Variants in FAM178B observed in about 807,000 individuals in gnomAD.
FAM178B encodes the protein protein FAM178B.
A neutral mutation model predicts 91.7 loss-of-function variants in FAM178B; 82 were observed. That is an observed-to-expected ratio of 0.89 (90% confidence interval 0.75 to 1.07). The LOEUF (loss-of-function observed/expected upper bound fraction) is 1.07, where lower values mean the gene tolerates loss of function less well. FAM178B is among the 50% of genes least tolerant of loss of function. The pLI, the probability that FAM178B is intolerant of heterozygous loss-of-function variation, is 0.00. For synonymous variants in FAM178B, 368 were observed against 359.4 expected (o/e 1.02, Z -0.27); for missense variants, 769 against 846.7 (o/e 0.91, Z 1.14).
intron 14 of FAM178B, among the ~76,000 whole-genome samples, chr2:96,890,949 G>A (rs941080676): frequency 3.3e-5 from 5 of 152,200 alleles, no homozygotes; most frequent in Non-Finnish European, 7.3e-5. Context: ...CATGCACAGG[G>A]CCATAGATAA....
At chr2:96,902,304 C>T (rs1051775651) in intron 13 of FAM178B, among the ~76,000 whole-genome samples, 6 of 152,102 alleles carry the variant, frequency 3.9e-5, no homozygotes, top group African/African-American at 1.2e-4. Flanking sequence ...ACGGGTTTCA[C>T]CGTGTTAGCC....
At chr2:96,948,510 CAG>C (rs2081868867) in intron 7 of FAM178B, among the ~76,000 whole-genome samples, 1 of 152,204 alleles carries the variant, frequency 6.6e-6, no homozygotes, top group Non-Finnish European at 1.5e-5. Flanking sequence ...TGGAAACATG[CAG>C]AGAGGCTGAC....
chr2:96,983,896 C>T (rs1043283709), intron 1 of FAM178B, among the ~76,000 whole-genome samples: 1 of 152,222 alleles, frequency 6.6e-6, no homozygotes, highest in African/African-American at 2.4e-5. Context: ...ATATGAATAA[C>T]TACTACTTAT....
intron 12 of FAM178B, among the ~76,000 whole-genome samples, chr2:96,913,093 CAAG>C (rs1377653696): frequency 3.3e-5 from 5 of 152,124 alleles, no homozygotes; most frequent in African/African-American, 9.7e-5. Flanking sequence ...GCAAACGGTA[CAAG>C]AATAAGGGAT....
At chr2:96,878,560 C>G (rs2080303960) in intron 14 of FAM178B, 67 bp from the exon 15 acceptor site, 1 of 1,407,284 alleles carries the variant, frequency 7.1e-7, no homozygotes, top group Non-Finnish European at 1.0e-6. Flanking sequence ...GTGCCCTCCA[C>G]CTGCACACTC....
At chr2:96,927,781 C>G (rs1458781894) in intron 9 of FAM178B, among the ~76,000 whole-genome samples, 1 of 152,178 alleles carries the variant, frequency 6.6e-6, no homozygotes, top group Non-Finnish European at 1.5e-5. Context: ...GGCTATGTCT[C>G]CAGTGCCGCC....
intron 12 of FAM178B, among the ~76,000 whole-genome samples, chr2:96,916,792 A>G (rs1050238232): frequency 2.6e-5 from 4 of 152,178 alleles, no homozygotes; most frequent in African/African-American, 9.7e-5. Context: ...GTACTGCATG[A>G]GTGTCAGCAG....
chr2:96,984,329 C>T (rs560216518), intron 1 of FAM178B, among the ~76,000 whole-genome samples: 5 of 152,326 alleles, frequency 3.3e-5, no homozygotes, highest in South Asian at 2.1e-4. Context: ...ATACAGTTCC[C>T]GCTCAACAAA....
chr2:96,903,578 G>A (rs1269120330), intron 12 of FAM178B, among the ~76,000 whole-genome samples: 1 of 152,256 alleles, frequency 6.6e-6, no homozygotes, highest in Non-Finnish European at 1.5e-5. Flanking sequence ...GCAAAGTGCA[G>A]GCATGCAGGC....
At position 96,876,105 on chromosome 2, in the gene FAM178B, G is replaced by T; in HGVS notation, c.*171C>A. ...GGGGTCGGGGCGGTGGCAGAGGCAGGCTCTTGCAGAGAGGAGAGGGGTCGG... is the reference window on the plus strand; with the variant it reads ...GGGGTCGGGGCGGTGGCAGAGGCAGTCTCTTGCAGAGAGGAGAGGGGTCGG... On this transcript the variant is annotated 3_prime_UTR_variant, in exon 17 of 17. Transcript: ENST00000490605. 1.5e-6 allele frequency: 1 copy of T among 645,786 alleles called. No individual in the cohort carries two copies. The highest frequency in any genetic ancestry group is 1.9e-5 in the South Asian group (1 of 51,438). The allele number at this position is 645,786 out of a possible 1,614,324, so 40.0% of individuals were successfully genotyped here.
At position 96,977,194 on chromosome 2, in the gene FAM178B, C is replaced by CAA. The variant is rs70964891; in HGVS notation, c.74-4590_74-4589dup. On this transcript the variant is annotated intron_variant, in intron 1 of 16. Transcript: ENST00000490605. ...TGGGTGACAGAGCAAGACTCTGTCT[C>CAA]AAAAAAAAAAAAAAAAAAAAAAAGT... Among the ~76,000 whole-genome samples the CAA allele has an allele frequency of 2.3e-3, 88 of 38,470 alleles. 1 individual carries two copies. The highest frequency in any genetic ancestry group is 6.6e-3 in the African/African-American group (57 of 8,672). The allele number at this position is 38,470 out of a possible 152,430, so 25.2% of individuals were successfully genotyped here. A position where few individuals can be genotyped will look rare whatever the true frequency, so the allele number is the denominator to read the frequency against.
At chr2:96,886,664 A>T (rs572578076) in intron 14 of FAM178B, among the ~76,000 whole-genome samples, 2 of 152,358 alleles carry the variant, frequency 1.3e-5, no homozygotes, top group South Asian at 2.1e-4. Context: ...CCTGGCAAAG[A>T]CAGGGAAGAA....
intron 4 of FAM178B, among the ~76,000 whole-genome samples, 178 bp from the exon 5 acceptor site, chr2:96,967,805 A>G (rs569591051): frequency 2.6e-5 from 4 of 151,726 alleles, no homozygotes; most frequent in Admixed American, 2.0e-4. Flanking sequence ...GGGTTGCATT[A>G]CATAGACTGT....
rs2082197469 is a variant in FAM178B at position 96,970,126 on chromosome 2, C to T, written c.626+590G>A. On this transcript the variant is annotated intron_variant, in intron 4 of 16. Coordinates refer to ENST00000490605, the MANE Select transcript of FAM178B (RefSeq NM_001122646.3). Reference sequence around the variant, plus strand: ...GACGACCCCTGTCTGTCCCCAGCCACCTGCACCTCCCTAGGGATTTCCAAT... The same window carrying T: ...GACGACCCCTGTCTGTCCCCAGCCATCTGCACCTCCCTAGGGATTTCCAAT... Among the ~76,000 whole-genome samples the T allele has an allele frequency of 2.6e-5, 4 of 152,204 alleles. No homozygotes were observed. In the South Asian group the frequency reaches 8.3e-4, roughly 31 times the overall value.
chr2:96,958,682 T>C (rs2082035975), intron 6 of FAM178B, among the ~76,000 whole-genome samples: 1 of 97,252 alleles, frequency 1.0e-5, no homozygotes, highest in African/African-American at 4.0e-5. Context: ...AGAGTGAGAC[T>C]CCATCTCAAA....
chr2:96,910,632 T>C (rs181805006), intron 12 of FAM178B, among the ~76,000 whole-genome samples: 2 of 152,280 alleles, frequency 1.3e-5, no homozygotes, highest in African/African-American at 4.8e-5. Context: ...CCGGCTACCT[T>C]ACTTTGGTGC....
At chr2:96,909,692 T>C (rs954922337) in intron 12 of FAM178B, among the ~76,000 whole-genome samples, 2 of 152,120 alleles carry the variant, frequency 1.3e-5, no homozygotes, top group African/African-American at 4.8e-5. Context: ...TGCTGTCAAA[T>C]CCCATTTCCC....
At chr2:96,954,828 T>C (rs545082891) in intron 6 of FAM178B, among the ~76,000 whole-genome samples, 14 of 152,194 alleles carry the variant, frequency 9.2e-5, no homozygotes, top group South Asian at 6.2e-4. Context: ...GGCAGGAGGA[T>C]AGCTTGAGGC....
intron 12 of FAM178B, among the ~76,000 whole-genome samples, chr2:96,913,526 A>G (rs1165864131): frequency 1.3e-5 from 2 of 152,012 alleles, no homozygotes; most frequent in African/African-American, 4.8e-5. Flanking sequence ...TGGGAGGGAA[A>G]CGAGGGTTTC....
Sources: allele counts gnomAD v4.1 joint callset (sites outside exome capture counted in the v4.1 genomes callset), GRCh38; gene constraint gnomAD v4.1.1; transcripts MANE v1.5; gene names NCBI Gene and HGNC (gene_info 2026-07-23, HGNC 2026-07-21).